Variants in IK observed in about 807,000 individuals in gnomAD.
The protein encoded by IK is protein Red.
In IK, 47 loss-of-function variants were observed where a neutral mutation model predicts 90.9. That is an observed-to-expected ratio of 0.52 (90% CI 0.41 to 0.66). The LOEUF is 0.66. IK is among the 30% of genes least tolerant of loss of function. IK has a pLI of 0.00. For missense variants in IK, 385 were observed against 709.3 expected, an observed-to-expected ratio of 0.54 and a Z score of 5.19; for synonymous variants, 201 against 227.5, an observed-to-expected ratio of 0.88 and a Z score of 1.05.
chr5:140,659,272 T>C (rs749929183), intron 12 of IK, 43 bp from the exon 13 acceptor site: 1 of 1,613,290 alleles, frequency 6.2e-7, no homozygotes, highest in South Asian at 1.1e-5. Context: ...TGAGTAGGAA[T>C]CTCTCATGGT....
At chr5:140,652,418 T>G (rs1418467295) in intron 4 of IK, among the ~76,000 whole-genome samples, 1 of 152,186 alleles carries the variant, frequency 6.6e-6, no homozygotes, top group Non-Finnish European at 1.5e-5. Context: ...GTAGCAATAA[T>G]AACTTTTATC....
At chr5:140,658,137 T>C (rs1226192568) in intron 10 of IK, among the ~76,000 whole-genome samples, 3 of 150,642 alleles carry the variant, frequency 2.0e-5, no homozygotes, top group African/African-American at 7.3e-5. Context: ...GTAGGCACTA[T>C]AGGCACTATA....
chr5:140,655,639 T>C (rs1004819571), intron 8 of IK, among the ~76,000 whole-genome samples, 190 bp from the exon 9 acceptor site: 3 of 152,224 alleles, frequency 2.0e-5, no homozygotes, highest in Admixed American at 6.5e-5. Context: ...TTAGGTAAAT[T>C]ACTTAAATCT....
At chr5:140,648,800 C>T in intron 2 of IK, 1 of 436,756 alleles carries the variant, frequency 2.3e-6, no homozygotes, top group South Asian at 3.1e-5. Context: ...TTACTTCTTC[C>T]AATAGCAAAT....
chr5:140,649,364 A>G (rs1317742621), intron 2 of IK, among the ~76,000 whole-genome samples: 1 of 146,646 alleles, frequency 6.8e-6, no homozygotes. Context: ...ATGTGCCACC[A>G]TGCACGACTG....
chr5:140,662,281 C>G, intron 19 of IK, 21 bp from the exon 20 acceptor site: 3 of 1,613,900 alleles, frequency 1.9e-6, no homozygotes, highest in Non-Finnish European at 2.5e-6. Context: ...TTATACTGAC[C>G]CATTTCTCCT....
intron 15 of IK, 137 bp downstream of exon 15, chr5:140,660,332 C>T (rs948797143): frequency 6.5e-5 from 35 of 534,384 alleles, no homozygotes; most frequent in Non-Finnish European, 1.1e-4. Flanking sequence ...GAGTCTCACT[C>T]TGTCACCCAG....
chr5:140,652,887 T>A (rs1023117973), intron 4 of IK, 90 bp from the exon 5 acceptor site: 3 of 1,180,274 alleles, frequency 2.5e-6, no homozygotes, highest in African/African-American at 3.0e-5. Context: ...GAGAGTAGGT[T>A]GGAGATGTAG....
At chr5:140,662,087 G>T in intron 18 of IK, 80 bp downstream of exon 18, 1 of 1,583,368 alleles carries the variant, frequency 6.3e-7, no homozygotes, top group Non-Finnish European at 8.6e-7. Context: ...CAGGCAAGGG[G>T]CTGGAGAGCC....
At chr5:140,648,012 G>GTGTGTT in intron 1 of IK, 88 bp downstream of exon 1, 1 of 840,460 alleles carries the variant, frequency 1.2e-6, no homozygotes. Flanking sequence ...AGCCGGGTGT[G>GTGTGTT]TGTGTGTGTG....
chr5:140,660,944 A>T, intron 16 of IK, 129 bp downstream of exon 16: 1 of 678,926 alleles, frequency 1.5e-6, no homozygotes, highest in Non-Finnish European at 2.7e-6. Flanking sequence ...CAGCAGTAGA[A>T]ACAGCAGCAT....
chr5:140,650,857 G>A (rs902952384), intron 2 of IK, among the ~76,000 whole-genome samples: 10 of 152,154 alleles, frequency 6.6e-5, no homozygotes, highest in Non-Finnish European at 1.3e-4. Context: ...GCGATTATAG[G>A]TGTGAGCCAC....
rs747924967 is a variant in IK at position 140,653,007 on chromosome 5, TGAGAGAGA to T, written c.275_282del (p.Glu92AlafsTer21). 1.3e-6 allele frequency: 2 copies of T among 1,586,532 alleles called. No individual in the cohort carries two copies. The highest frequency in any genetic ancestry group is 1.4e-5 in the African/African-American group (1 of 73,954). On this transcript the variant is annotated frameshift_variant, in exon 5 of 20. Transcript: ENST00000417647. LOFTEE classifies it high-confidence loss of function. ...ATGCCAAGCTACGCCAACAAGAAAT[TGAGAGAGA>T]GAGAGAGCTAGCAGAGAAGTACCGG...
At chr5:140,654,112 C>A in intron 6 of IK, 60 bp downstream of exon 6, 1 of 940,574 alleles carries the variant, frequency 1.1e-6, no homozygotes, top group South Asian at 1.4e-5. Context: ...TTGTATGGGT[C>A]TGGCAAGATG....
chr5:140,659,827 A>T lies in IK; in HGVS notation c.1267A>T (p.Thr423Ser). 2 of 1,590,186 alleles carry T rather than the reference A, an allele frequency of 1.3e-6. No individual in the cohort carries two copies. The highest frequency in any genetic ancestry group is 1.7e-6 in the Non-Finnish European group (2 of 1,166,708). ...TGCTGGGTCTGCTGGCTGGGAAGGC[A>T]CAGAATCATATCCTTTATTTTAATA... ...KFAGSAGWEG[T>S]ESLKKPEDKK... Residue 423 changes from threonine (T) to serine (S), a missense_variant, in exon 14 of 20, where the codon ACA becomes TCA. Thr to Ser is a moderately conservative substitution (Grantham distance 58). Coordinates refer to ENST00000417647, the MANE Select transcript of IK (RefSeq NM_006083.4).
At position 140,655,830 on chromosome 5, in the gene IK, C is replaced by T. The variant is rs1293437662; in HGVS notation, c.639C>T (p.Gly213=). ...TTGCTGCTCTTCTCCTTATTGTAGG[C>T]CGCAATGTTTACCGAATGCTTTTTA... ...ENKIEFKTRL[G]RNVYRMLFKS... The change falls in exon 9 of 20, where the codon GGC becomes GGT. Residue 213 remains glycine (G), a splice_region_variant and synonymous_variant. Coordinates refer to ENST00000417647, the MANE Select transcript of IK (RefSeq NM_006083.4). The T allele has an allele frequency of 6.2e-7, 1 of 1,609,934 alleles. No homozygotes were observed. Among genetic ancestry groups the T allele is most frequent in the South Asian group, 1.1e-5 (1 of 90,054 alleles).
At chr5:140,653,485 A>C (rs1252604713) in intron 5 of IK, among the ~76,000 whole-genome samples, 2 of 148,128 alleles carry the variant, frequency 1.4e-5, no homozygotes, top group African/African-American at 5.0e-5. Flanking sequence ...ACAGGGTTTC[A>C]CCGTGTTAGC....
Position 140,659,818 on chromosome 5 carries a change from T to C in IK, c.1258T>C (p.Trp420Arg), listed in dbSNP as rs199572934. ...TGAAAAGTTTGCTGGGTCTGCTGGC[T>C]GGGAAGGCACAGAATCATATCCTTT... is the stretch of plus-strand genomic sequence containing the variant. ...INEKFAGSAG[W>R]EGTESLKKPE... Residue 420 changes from tryptophan (W) to arginine (R), a missense_variant, in exon 14 of 20, where the codon TGG (tryptophan) becomes CGG (arginine). Trp to Arg is a moderately radical substitution (Grantham distance 101, BLOSUM62 -3). Around this residue, in one of 8 missense-constraint regions of IK, gnomAD observed 139 missense variants for 172.0 expected, o/e 0.81. Coordinates refer to ENST00000417647, the MANE Select transcript of IK (RefSeq NM_006083.4). 1 of 1,597,202 alleles carries C rather than the reference T, an allele frequency of 6.3e-7. No individual in the cohort carries two copies. The highest frequency in any genetic ancestry group is 8.5e-7 in the Non-Finnish European group (1 of 1,171,198).
chr5:140,659,333 G>C lies in IK; in HGVS notation c.1195G>C (p.Gly399Arg). 1 of 1,613,980 alleles carries C rather than the reference G, an allele frequency of 6.2e-7. No homozygotes were observed. The part of the protein sequence containing the change: ...VDDEPMDVDK[G>R]PGSTKELIKS... ...TTTCCAGCCCATGGACGTTGACAAAGGTGAGTTGTACACACAGCATCTCAC... is the reference window on the plus strand; with the variant it reads ...TTTCCAGCCCATGGACGTTGACAAACGTGAGTTGTACACACAGCATCTCAC... The change falls in exon 13 of 20, where the codon GGA (glycine) becomes CGA (arginine). Residue 399 changes from glycine to arginine, a missense_variant and splice_region_variant. Physicochemically the swap from Gly to Arg is moderately radical, Grantham distance 125. Coordinates refer to ENST00000417647, the MANE Select transcript of IK (RefSeq NM_006083.4).
Sources: allele counts gnomAD v4.1 joint callset (sites outside exome capture counted in the v4.1 genomes callset), GRCh38; gene constraint gnomAD v4.1.1; regional missense constraint gnomAD v4.1.1; transcripts MANE v1.5; gene names NCBI Gene and HGNC (gene_info 2026-07-23, HGNC 2026-07-21).